The following FBXL17 variants were observed in gnomAD, a reference collection of about 807,000 sequenced individuals.
The protein encoded by FBXL17 is F-box/LRR-repeat protein 17.
A neutral mutation model predicts 66.2 loss-of-function variants in FBXL17; 22 were observed. The observed-to-expected ratio is 0.33, with a 90% CI of 0.24 to 0.47. FBXL17 has a LOEUF of 0.47. Ranked by LOEUF, FBXL17 falls within the 20% of genes least tolerant of loss-of-function variation. The probability of loss-of-function intolerance (pLI) is 1.00; values close to 1 mark genes in which losing one functional copy is unlikely to be tolerated. For missense variants in FBXL17, 878 were observed against 948.2 expected (o/e 0.93, Z 0.97); for synonymous variants, 474 against 400.5 (o/e 1.18, Z -2.19).
intron 7 of FBXL17, among the ~76,000 whole-genome samples, chr5:107,985,697 G>A (rs1350248811): frequency 6.6e-6 from 1 of 151,946 alleles, no homozygotes; most frequent in Non-Finnish European, 1.5e-5. Flanking sequence ...ATTAAACTAT[G>A]GCAACTACTC....
intron 7 of FBXL17, among the ~76,000 whole-genome samples, chr5:108,008,320 T>C (rs984988038): frequency 1.3e-5 from 2 of 152,204 alleles, no homozygotes; most frequent in African/African-American, 4.8e-5. Context: ...AAACCTTGAA[T>C]GCAAGGTGTG....
At chr5:108,033,228 C>CCA (rs1394774400) in intron 6 of FBXL17, among the ~76,000 whole-genome samples, 1 of 152,044 alleles carries the variant, frequency 6.6e-6, no homozygotes, top group Non-Finnish European at 1.5e-5. Context: ...ATCCCTGTAT[C>CCA]CATCCATCAG....
At chr5:108,203,003 C>T (rs1163869042) in intron 5 of FBXL17, among the ~76,000 whole-genome samples, 1 of 151,978 alleles carries the variant, frequency 6.6e-6, no homozygotes, top group African/African-American at 2.4e-5. Flanking sequence ...AGTAAACAAA[C>T]ATAGTTATTA....
chr5:107,980,664 A>ATATATATATTTTTTTTTTTTTTTTTTTTT, intron 7 of FBXL17, among the ~76,000 whole-genome samples: 2 of 62,078 alleles, frequency 3.2e-5, no homozygotes, highest in East Asian at 1.1e-3. Context: ...ATATATATAT[A>ATATATATATTTTTTTTTTTTTTTTTTTTT]TTTTTTTTTT....
intron 4 of FBXL17, among the ~76,000 whole-genome samples, chr5:108,265,037 G>A (rs907123206): frequency 7.9e-5 from 12 of 151,664 alleles, no homozygotes; most frequent in Admixed American, 4.6e-4. Flanking sequence ...AATTAATATT[G>A]TCAAGAATAC....
chr5:108,100,991 T>C (rs1580441538), intron 6 of FBXL17, among the ~76,000 whole-genome samples: 1 of 152,326 alleles, frequency 6.6e-6, no homozygotes. Context: ...TTACCACAGC[T>C]TTCAGAGGGA....
At chr5:108,096,062 T>C (rs1435975867) in intron 6 of FBXL17, among the ~76,000 whole-genome samples, 1 of 152,190 alleles carries the variant, frequency 6.6e-6, no homozygotes, top group Admixed American at 6.5e-5. Context: ...TTCAATGTTT[T>C]AAAACTGTTA....
intron 6 of FBXL17, among the ~76,000 whole-genome samples, chr5:108,156,305 C>G (rs564258751): frequency 2.0e-5 from 3 of 151,734 alleles, no homozygotes. Flanking sequence ...TATATATATA[C>G]TTGAGTTCAT....
At chr5:107,937,747 C>T (rs1051559803) in intron 7 of FBXL17, among the ~76,000 whole-genome samples, 3 of 152,114 alleles carry the variant, frequency 2.0e-5, no homozygotes, top group Admixed American at 6.6e-5. Context: ...CATGAGATCA[C>T]GTACTTGCCC....
intron 3 of FBXL17, among the ~76,000 whole-genome samples, chr5:108,352,008 C>G (rs1747687218): frequency 6.6e-6 from 1 of 152,234 alleles, no homozygotes; most frequent in Non-Finnish European, 1.5e-5. Context: ...AAAGAAATGA[C>G]TTTTCATACA....
intron 7 of FBXL17, among the ~76,000 whole-genome samples, chr5:107,905,482 C>T (rs1335299279): frequency 6.6e-6 from 1 of 152,076 alleles, no homozygotes. Flanking sequence ...GTATGGGATA[C>T]CTCCTCAGAC....
intron 7 of FBXL17, among the ~76,000 whole-genome samples, chr5:107,900,313 G>C (rs953876121): frequency 2.0e-5 from 3 of 152,048 alleles, no homozygotes; most frequent in Admixed American, 1.3e-4. Flanking sequence ...ATATGTAATA[G>C]TGATTACATT....
At chr5:108,005,797 A>G (rs905623910) in intron 7 of FBXL17, among the ~76,000 whole-genome samples, 1 of 152,226 alleles carries the variant, frequency 6.6e-6, no homozygotes, top group African/African-American at 2.4e-5. Context: ...CAATTCTAGA[A>G]GCTATGCCTG....
In FBXL17 at chr5:107,861,854, C is replaced by T. The variant is rs201479758; in HGVS notation, c.1972G>A (p.Glu658Lys). ...LGLMRCDKVN[E>K]VTVEQLVQQY... ...TGCACCAGCTGTTCCACCGTCACTT[C>T]GTTGACCTGCAAACAAAGAAGAGTC... The change falls in exon 9 of 9, where the codon GAA becomes AAA. Residue 658 changes from glutamate to lysine, a missense_variant. Glu to Lys is a moderately conservative substitution (Grantham distance 56). Coordinates refer to ENST00000542267, the MANE Select transcript of FBXL17 (RefSeq NM_001163315.3). 3.3e-6 allele frequency: 5 copies of T among 1,523,768 alleles called. No homozygotes were observed. The highest frequency in any genetic ancestry group is 1.9e-5 in the Admixed American group (1 of 51,500). The allele number at this position is 1,523,768 out of a possible 1,614,324, so 94.4% of individuals were successfully genotyped here.
At chr5:107,948,706 C>T (rs1267162687) in intron 7 of FBXL17, among the ~76,000 whole-genome samples, 2 of 152,180 alleles carry the variant, frequency 1.3e-5, no homozygotes, top group Non-Finnish European at 2.9e-5. Context: ...TGATTTAATT[C>T]CTGCCTTCCT....
At chr5:108,177,434 T>C (rs559895699) in intron 6 of FBXL17, among the ~76,000 whole-genome samples, 21 of 152,340 alleles carry the variant, frequency 1.4e-4, no homozygotes, top group African/African-American at 4.8e-4. Flanking sequence ...AAGGTACCAT[T>C]CTAACCATGT....
At chr5:108,109,698 C>T (rs894718443) in intron 6 of FBXL17, among the ~76,000 whole-genome samples, 4 of 152,122 alleles carry the variant, frequency 2.6e-5, no homozygotes, top group South Asian at 2.1e-4. Context: ...AATGGAATAC[C>T]AGTTAGTGCC....
At chr5:108,287,599 TA>T (rs996612125) in intron 4 of FBXL17, among the ~76,000 whole-genome samples, 3 of 150,750 alleles carry the variant, frequency 2.0e-5, no homozygotes, top group Admixed American at 6.6e-5. Context: ...GACTATTATT[TA>T]AAAAAAAATA....
chr5:108,381,978 G>A lies in FBXL17; in HGVS notation c.-287C>T. 8.2e-7 allele frequency: 1 copy of A among 1,216,692 alleles called. No homozygotes were observed. Among genetic ancestry groups the A allele is most frequent in the Non-Finnish European group, 1.0e-6 (1 of 975,542 alleles). The allele number at this position is 1,216,692 out of a possible 1,614,324, so 75.4% of individuals were successfully genotyped here. ...GGGAGCGAGCGAGCCTGCCGGCTAGGCGACCAGTCCGGGCCCGGCCAGCCG... is the reference window on the plus strand; with the variant it reads ...GGGAGCGAGCGAGCCTGCCGGCTAGACGACCAGTCCGGGCCCGGCCAGCCG... On this transcript the variant is annotated 5_prime_UTR_variant, in exon 1 of 9. Transcript: ENST00000542267.
Sources: gnomAD v4.1 joint callset for allele counts (sites outside exome capture counted in the v4.1 genomes callset) on GRCh38, gnomAD v4.1.1 for gene constraint, MANE v1.5 for transcripts, NCBI Gene and HGNC (gene_info 2026-07-23, HGNC 2026-07-21) for gene names.